Variants in RNF214 observed in about 807,000 individuals in gnomAD.
RNF214 encodes the protein ring finger protein 214.
In RNF214, 25 loss-of-function variants were observed where a neutral mutation model predicts 75.9. That is an observed-to-expected ratio of 0.33 (90% CI 0.24 to 0.46). The LOEUF (loss-of-function observed/expected upper bound fraction) is 0.46. Ranked by LOEUF, RNF214 falls within the 20% of genes least tolerant of loss-of-function variation. The pLI is 1.00. For missense variants in RNF214, 725 were observed against 857.5 expected, an observed-to-expected ratio of 0.85 and a Z score of 1.93; for synonymous variants, 314 against 308.8, an observed-to-expected ratio of 1.02 and a Z score of -0.18.
chr11:117,250,020 G>T (rs551268586), intron 6 of RNF214, among the ~76,000 whole-genome samples: 1 of 152,200 alleles, frequency 6.6e-6, no homozygotes, highest in African/African-American at 2.4e-5. Flanking sequence ...GAGCCAGACA[G>T]TAGGGCCTGG....
At position 117,285,012 on chromosome 11, in the gene RNF214, C is replaced by T. The variant is rs1301897281; in HGVS notation, c.2047-74C>T. 3.7e-6 allele frequency: 4 copies of T among 1,080,150 alleles called. No homozygotes were observed. In the East Asian group the frequency reaches 9.5e-5, roughly 26 times the overall value. The allele number at this position is 1,080,150 out of a possible 1,614,324, so 66.9% of individuals were successfully genotyped here. ...CTTTTCTGACTTAGGCCTTGTTGAACCTTATTGGCATTCTCTCCTTCCTTC... is the reference window on the plus strand; with the variant it reads ...CTTTTCTGACTTAGGCCTTGTTGAATCTTATTGGCATTCTCTCCTTCCTTC... On this transcript the variant is annotated intron_variant, in intron 14 of 14. Coordinates refer to ENST00000300650, the MANE Select transcript of RNF214 (RefSeq NM_207343.4).
rs758165145 is a variant in RNF214, at chr11:117,234,290, T to G, written c.18T>G (p.Val6=). MAASE[V]AGVVANAPSP... ...AGAGCATAATGGCAGCGTCTGAGGT[T>G]GCTGGTGTTGTGGCCAATGCCCCCA... Residue 6 remains valine, a synonymous_variant, in exon 2 of 15, where the codon GTT becomes GTG. Transcript: ENST00000300650. The G allele has an allele frequency of 6.2e-7, 1 of 1,614,080 alleles. No individual in the cohort carries two copies. Among genetic ancestry groups the G allele is most frequent in the Non-Finnish European group, 8.5e-7 (1 of 1,179,882 alleles).
rs2034236668 is a variant in RNF214, at chr11:117,285,547, GTA to G, written c.*398_*399del. 1 of 157,812 alleles carries G rather than the reference GTA, an allele frequency of 6.3e-6. No individual in the cohort carries two copies. Among genetic ancestry groups the G allele is most frequent in the African/African-American group, 2.4e-5 (1 of 41,518 alleles). 9.8% of individuals were successfully genotyped at this position (157,812 alleles called of 1,614,324 possible). A position where few individuals can be genotyped will look rare whatever the true frequency, so the allele number is the denominator to read the frequency against. On this transcript the variant is annotated 3_prime_UTR_variant, in exon 15 of 15. Transcript: ENST00000300650. ...TCTAGTCCATTTCCTTAAGGCTCAT[GTA>G]TGCAGATTTAAAGCCTGGTGCTCAC...
intron 5 of RNF214, among the ~76,000 whole-genome samples, chr11:117,245,197 T>C (rs1015757278): frequency 4.5e-4 from 67 of 150,288 alleles, no homozygotes; most frequent in Non-Finnish European, 8.7e-4. Flanking sequence ...TGTGCACCTG[T>C]GGTCCCAGCT....
At chr11:117,242,633 A>G (rs914986414) in intron 4 of RNF214, among the ~76,000 whole-genome samples, 1 of 152,206 alleles carries the variant, frequency 6.6e-6, no homozygotes, top group African/African-American at 2.4e-5. Context: ...CAGGGGTATC[A>G]CCTGAAGTCA....
chr11:117,280,214 TAGA>T lies in RNF214; in HGVS notation c.1106_1108del (p.Glu369del). On this transcript the variant is annotated inframe_deletion, in exon 8 of 15. Coordinates refer to ENST00000300650, the MANE Select transcript of RNF214 (RefSeq NM_207343.4). ...CGGAAAGAGTTACTGGTACTGAAAC[TAGA>T]AGAAGCAGAAAAAGAGGCAGAATTG... is the stretch of plus-strand genomic sequence containing the variant. The T allele has an allele frequency of 6.2e-7, 1 of 1,613,836 alleles. No individual in the cohort carries two copies. The highest frequency in any genetic ancestry group is 8.5e-7 in the Non-Finnish European group (1 of 1,179,702).
In RNF214 at chr11:117,285,172, G is replaced by A. The variant is rs199969798; in HGVS notation, c.*21G>A. 2.6e-6 allele frequency: 4 copies of A among 1,561,224 alleles called. No individual in the cohort carries two copies. The East Asian group carries it at 9.0e-5, about 35-fold the overall frequency. On this transcript the variant is annotated 3_prime_UTR_variant, in exon 15 of 15. Transcript: ENST00000300650. ...AATGACGGACCTGACTGGGGAGGAA[G>A]AAGAAGAGAAACTGATGTGAACAGG...
chr11:117,248,244 A>ATTTTTTTTTTTTTTTT, intron 6 of RNF214, among the ~76,000 whole-genome samples: 1 of 151,884 alleles, frequency 6.6e-6, no homozygotes, highest in African/African-American at 2.4e-5. Flanking sequence ...CCTGGCTAAC[A>ATTTTTTTTTTTTTTTT]TTTTTGTATT....
chr11:117,282,479 T>G lies in RNF214; in HGVS notation c.1788T>G (p.Leu596=). The G allele has an allele frequency of 6.8e-6, 11 of 1,614,146 alleles. No homozygotes were observed. Among genetic ancestry groups the G allele is most frequent in the Non-Finnish European group, 9.3e-6 (11 of 1,180,036 alleles). ...TGGCAGGCCTGACCATGGAGGAACT[T>G]ATCCAGTTGGTTGCTGCACGACTGG... The part of the protein sequence containing the change: ...TTMAGLTMEE[L]IQLVAARLAE... The change falls in exon 12 of 15, where the codon CTT becomes CTG. Residue 596 remains leucine, a synonymous_variant. Transcript: ENST00000300650.
Position 117,245,684 on chromosome 11 carries a change from C to T in RNF214, c.819+1099C>T, listed in dbSNP as rs1343773185. ...AAAGAATGTTCGGATAAATTAGATACATCCATATGTTATGCAGCTATTTTT... is the reference window on the plus strand; with the variant it reads ...AAAGAATGTTCGGATAAATTAGATATATCCATATGTTATGCAGCTATTTTT... On this transcript the variant is annotated intron_variant, in intron 5 of 14. Transcript: ENST00000300650. 2.0e-5 allele frequency among the ~76,000 whole-genome samples: 3 copies of T among 152,262 alleles called. No individual in the cohort carries two copies. In the East Asian group the frequency reaches 5.8e-4, roughly 29 times the overall value.
intron 2 of RNF214, 149 bp from the exon 3 acceptor site, chr11:117,238,452 A>G: frequency 2.7e-6 from 2 of 737,044 alleles, no homozygotes; most frequent in Non-Finnish European, 4.4e-6. Flanking sequence ...ACCAGGCTAT[A>G]CTACCTGCAT....
chr11:117,241,725 T>C (rs768229579), intron 4 of RNF214, among the ~76,000 whole-genome samples: 1 of 152,212 alleles, frequency 6.6e-6, no homozygotes, highest in Non-Finnish European at 1.5e-5. Flanking sequence ...AGTTCAAACC[T>C]TTCCAGGTGA....
intron 6 of RNF214, among the ~76,000 whole-genome samples, chr11:117,251,298 A>T: frequency 1.1e-5 from 1 of 92,184 alleles, no homozygotes. Context: ...GGCCGGGCAG[A>T]GGGGCTCCTC....
chr11:117,244,631 C>G, intron 5 of RNF214, 46 bp downstream of exon 5: 1 of 1,434,720 alleles, frequency 7.0e-7, no homozygotes, highest in Non-Finnish European at 9.4e-7. Context: ...GCAACAGTCT[C>G]TGATCAAACT....
chr11:117,263,019 C>G (rs555674620), intron 6 of RNF214, among the ~76,000 whole-genome samples: 1 of 151,742 alleles, frequency 6.6e-6, no homozygotes, highest in Non-Finnish European at 1.5e-5. Flanking sequence ...GTGGCCCAGG[C>G]TGGTCTTGAA....
chr11:117,281,446 G>T (rs1472148703), intron 9 of RNF214, 42 bp downstream of exon 9: 1 of 1,491,728 alleles, frequency 6.7e-7, no homozygotes, highest in Non-Finnish European at 9.4e-7. Context: ...GTGTTAGTCT[G>T]TGCTTAACAC....
chr11:117,235,319 C>T (rs59400549), intron 2 of RNF214, among the ~76,000 whole-genome samples: 3,187 of 151,892 alleles, frequency 0.021, 126 homozygotes, highest in African/African-American at 0.072. Flanking sequence ...GCCTCAGCCT[C>T]CCCAGTAGCT....
intron 6 of RNF214, among the ~76,000 whole-genome samples, chr11:117,248,297 C>T (rs904212591): frequency 2.6e-5 from 4 of 152,118 alleles, no homozygotes; most frequent in Non-Finnish European, 4.4e-5. Flanking sequence ...AGGATGGTCT[C>T]GATCTCCTGA....
In RNF214 at chr11:117,286,098, G is replaced by A. The variant is rs1468858711; in HGVS notation, c.*947G>A. 6.6e-6 allele frequency: 1 copy of A among 152,636 alleles called. No individual in the cohort carries two copies. The highest frequency in any genetic ancestry group is 1.5e-5 in the Non-Finnish European group (1 of 68,042). 9.5% of individuals were successfully genotyped at this position (152,636 alleles called of 1,614,324 possible). ...GGGTGAGCTCCAGACAGGCACTGGG[G>A]TGAGGAGATGTCTGTGCAAAATTAC... On this transcript the variant is annotated 3_prime_UTR_variant, in exon 15 of 15. Coordinates refer to ENST00000300650, the MANE Select transcript of RNF214 (RefSeq NM_207343.4).
Sources: allele counts gnomAD v4.1 joint callset (sites outside exome capture counted in the v4.1 genomes callset), GRCh38; gene constraint gnomAD v4.1.1; transcripts MANE v1.5; gene names NCBI Gene and HGNC (gene_info 2026-07-23, HGNC 2026-07-21).